Variants in TMPRSS15 observed in about 807,000 individuals in gnomAD.
TMPRSS15 encodes transmembrane serine protease 15, also known as enteropeptidase.
In TMPRSS15, 128 loss-of-function variants were observed where a neutral mutation model predicts 125.3. The observed-to-expected ratio is 1.02, with a 90% CI of 0.89 to 1.18. The LOEUF (loss-of-function observed/expected upper bound fraction) is 1.18. Among genes scored for constraint, TMPRSS15 ranks in the 50% most tolerant of loss-of-function variants. TMPRSS15 has a pLI of 0.00. For synonymous variants in TMPRSS15, 446 were observed against 423.2 expected, an observed-to-expected ratio of 1.05 and a Z score of -0.66; for missense variants, 1,283 against 1,212.7, an observed-to-expected ratio of 1.06 and a Z score of -0.86.
intron 4 of TMPRSS15, chr21:18,380,713 A>C: frequency 2.8e-6 from 1 of 352,070 alleles, no homozygotes; most frequent in South Asian, 2.3e-5. Context: ...ATCCTCTGCC[A>C]TGCTAAGCCT....
chr21:18,337,653 G>A (rs577206334), intron 13 of TMPRSS15, among the ~76,000 whole-genome samples: 1 of 152,256 alleles, frequency 6.6e-6, no homozygotes, highest in Admixed American at 6.5e-5. Flanking sequence ...GCACAATGTG[G>A]GTTCCCAGGA....
intron 18 of TMPRSS15, among the ~76,000 whole-genome samples, chr21:18,308,916 A>G (rs1233052083): frequency 6.6e-6 from 1 of 152,206 alleles, no homozygotes; most frequent in East Asian, 1.9e-4. Flanking sequence ...TGCAAAGGAC[A>G]TGAACTTATC....
chr21:18,452,507 TA>T (rs1234682298), intron 1 of TMPRSS15, among the ~76,000 whole-genome samples: 4 of 151,912 alleles, frequency 2.6e-5, no homozygotes, highest in Admixed American at 6.6e-5. Flanking sequence ...CTACAAAAAA[TA>T]AAAAAATAAT....
At chr21:18,388,610 C>G (rs568407999) in intron 3 of TMPRSS15, among the ~76,000 whole-genome samples, 1 of 152,204 alleles carries the variant, frequency 6.6e-6, no homozygotes, top group African/African-American at 2.4e-5. Context: ...AGGCAGGCAC[C>G]TAGAATACCT....
chr21:18,390,331 G>T (rs933340217), intron 3 of TMPRSS15, among the ~76,000 whole-genome samples: 4 of 152,144 alleles, frequency 2.6e-5, no homozygotes, highest in Non-Finnish European at 4.4e-5. Context: ...ATAGGATGAA[G>T]ATTAAATGAA....
At chr21:18,396,851 T>TATC (rs1555909744) in intron 3 of TMPRSS15, among the ~76,000 whole-genome samples, 23 of 150,350 alleles carry the variant, frequency 1.5e-4, no homozygotes, top group South Asian at 8.5e-4. Context: ...TCTATCTATC[T>TATC]TAAGTCACAA....
intron 18 of TMPRSS15, among the ~76,000 whole-genome samples, chr21:18,301,606 A>G (rs1169570606): frequency 1.3e-5 from 2 of 152,136 alleles, no homozygotes; most frequent in Non-Finnish European, 2.9e-5. Flanking sequence ...TTAGAGAGGC[A>G]CTCTGCGAAG....
At chr21:18,323,407 C>G (rs531572830) in intron 16 of TMPRSS15, among the ~76,000 whole-genome samples, 1 of 152,224 alleles carries the variant, frequency 6.6e-6, no homozygotes, top group East Asian at 1.9e-4. Flanking sequence ...CAGGGAAACT[C>G]CTTTTTATAA....
At chr21:18,441,117 A>T (rs1449010055) in intron 1 of TMPRSS15, among the ~76,000 whole-genome samples, 2 of 151,094 alleles carry the variant, frequency 1.3e-5, no homozygotes, top group African/African-American at 2.4e-5. Flanking sequence ...ATATGATGAA[A>T]TCCTGTTTCT....
chr21:18,306,816 T>C (rs2075044203), intron 18 of TMPRSS15, among the ~76,000 whole-genome samples: 1 of 152,094 alleles, frequency 6.6e-6, no homozygotes, highest in Non-Finnish European at 1.5e-5. Flanking sequence ...TGCATCAGTA[T>C]AAAATGTTTT....
intron 16 of TMPRSS15, 100 bp from the exon 17 acceptor site, chr21:18,315,356 G>C (rs1210513349): frequency 6.2e-6 from 6 of 973,636 alleles, no homozygotes; most frequent in East Asian, 2.6e-5. Flanking sequence ...TGAGTCCTTT[G>C]CCACAGCTCA....
At chr21:18,291,839 C>A (rs1160004109) in intron 21 of TMPRSS15, among the ~76,000 whole-genome samples, 2 of 152,106 alleles carry the variant, frequency 1.3e-5, no homozygotes, top group South Asian at 2.1e-4. Context: ...AATTCTAGTA[C>A]AACTTACCTT....
At chr21:18,355,957 G>T (rs990176781) in intron 8 of TMPRSS15, among the ~76,000 whole-genome samples, 6 of 151,750 alleles carry the variant, frequency 4.0e-5, no homozygotes, top group Admixed American at 6.6e-5. Flanking sequence ...ACGAGACAGG[G>T]TTTGTGTTGA....
At chr21:18,319,323 G>A (rs1418322441) in intron 16 of TMPRSS15, among the ~76,000 whole-genome samples, 2 of 151,240 alleles carry the variant, frequency 1.3e-5, no homozygotes, top group Non-Finnish European at 2.9e-5. Flanking sequence ...ATAAGATAAT[G>A]AAGTGTATTT....
intron 10 of TMPRSS15, among the ~76,000 whole-genome samples, chr21:18,349,233 T>C (rs2146999774): frequency 6.6e-6 from 1 of 152,304 alleles, no homozygotes; most frequent in African/African-American, 2.4e-5. Flanking sequence ...TCCTGAGCCT[T>C]CTAAATGAAT....
In TMPRSS15 at chr21:18,323,083, T is replaced by C. The variant is rs561332516; in HGVS notation, c.1921+3349A>G. Among the ~76,000 whole-genome samples, 3 of 152,310 alleles carry C rather than the reference T, an allele frequency of 2.0e-5. No homozygotes were observed. The South Asian group carries it at 6.2e-4, about 32-fold the overall frequency. ...GGAAGAGATTTGTCTCTGTCTTCCT[T>C]TTGACAATCCATTTTCCTCTTTTCA... On this transcript the variant is annotated intron_variant, in intron 16 of 24. Transcript: ENST00000284885.
chr21:18,448,002 T>C (rs1020237374), intron 1 of TMPRSS15, among the ~76,000 whole-genome samples: 16 of 152,194 alleles, frequency 1.1e-4, no homozygotes, highest in Admixed American at 8.5e-4. Context: ...AGAATTCTTA[T>C]ACACTCTTGG....
At chr21:18,426,636 A>T (rs186995349) in intron 1 of TMPRSS15, among the ~76,000 whole-genome samples, 2 of 149,444 alleles carry the variant, frequency 1.3e-5, no homozygotes, top group Admixed American at 6.6e-5. Context: ...GCCACAGTTA[A>T]TAGAGGACTT....
chr21:18,303,374 A>G (rs2074994017), intron 18 of TMPRSS15, among the ~76,000 whole-genome samples: 1 of 152,166 alleles, frequency 6.6e-6, no homozygotes, highest in Non-Finnish European at 1.5e-5. Flanking sequence ...AGGAAAGGAG[A>G]AAGAGGAAGG....
Sources: allele counts gnomAD v4.1 joint callset (sites outside exome capture counted in the v4.1 genomes callset), GRCh38; gene constraint gnomAD v4.1.1; transcripts MANE v1.5; gene names NCBI Gene and HGNC (gene_info 2026-07-23, HGNC 2026-07-21).